Variants in SH3RF1 observed in about 807,000 individuals in gnomAD.
SH3RF1 encodes the protein E3 ubiquitin-protein ligase SH3RF1.
Under a neutral mutation model 74.0 loss-of-function variants are expected in SH3RF1, and 32 were observed. That is an observed-to-expected ratio of 0.43 (90% CI 0.33 to 0.58). The LOEUF is 0.58. Ranked by LOEUF, SH3RF1 falls within the 20% of genes least tolerant of loss-of-function variation. The pLI is 0.05. For missense variants in SH3RF1, 954 were observed against 1,130.9 expected (o/e 0.84, Z 2.24); for synonymous variants, 396 against 439.6 (o/e 0.90, Z 1.24).
At chr4:169,196,360 A>G (rs1377566299) in intron 2 of SH3RF1, among the ~76,000 whole-genome samples, 2 of 152,214 alleles carry the variant, frequency 1.3e-5, no homozygotes, top group African/African-American at 2.4e-5. Context: ...GAACAAAACA[A>G]TGTTATTCAA....
intron 11 of SH3RF1, among the ~76,000 whole-genome samples, chr4:169,101,293 AT>A: frequency 6.6e-6 from 1 of 152,338 alleles, no homozygotes; most frequent in African/African-American, 2.4e-5. Context: ...AAGGAATGAA[AT>A]TCTGACACGT....
intron 2 of SH3RF1, among the ~76,000 whole-genome samples, chr4:169,205,840 T>C (rs1303736889): frequency 6.6e-6 from 1 of 152,210 alleles, no homozygotes; most frequent in Non-Finnish European, 1.5e-5. Flanking sequence ...ACCCATATCC[T>C]GACTTGAGAA....
chr4:169,148,853 G>T (rs1733933157), intron 4 of SH3RF1, among the ~76,000 whole-genome samples: 1 of 152,172 alleles, frequency 6.6e-6, no homozygotes, highest in African/African-American at 2.4e-5. Flanking sequence ...AAATATCCCT[G>T]ATGAGCTGTA....
rs570355143 is a variant in SH3RF1 at position 169,157,946 on chromosome 4, C to T, written c.394-1267G>A. Among the ~76,000 whole-genome samples the T allele has an allele frequency of 7.9e-5, 12 of 152,016 alleles. No individual in the cohort carries two copies. In the East Asian group the frequency reaches 1.7e-3, roughly 22 times the overall value. On this transcript the variant is annotated intron_variant, in intron 2 of 11. Coordinates refer to ENST00000284637, the MANE Select transcript of SH3RF1 (RefSeq NM_020870.4). Reference sequence around the variant, plus strand: ...ACAAAATGGGGTCTCGCCATGTTGGCCAGGCTGGTCTCAAACTCCTGACCT... The same window carrying T: ...ACAAAATGGGGTCTCGCCATGTTGGTCAGGCTGGTCTCAAACTCCTGACCT...
rs556790911 is a variant in SH3RF1, at chr4:169,269,252, C to G, written c.-40G>C. The G allele has an allele frequency of 6.6e-7, 1 of 1,521,260 alleles. No homozygotes were observed. Among genetic ancestry groups the G allele is most frequent in the South Asian group, 1.3e-5 (1 of 77,212 alleles). The allele number at this position is 1,521,260 out of a possible 1,614,324, so 94.2% of individuals were successfully genotyped here. On this transcript the variant is annotated 5_prime_UTR_variant, in exon 2 of 12. It removes an upstream start codon present in the reference 5' UTR. Transcript: ENST00000284637. ...CTGAGAAAAAATCTTCAGAAATGTT[C>G]ATAGTTGTGTGCATCCCTTAAAATG...
chr4:169,262,124 T>C (rs1314396288), intron 2 of SH3RF1, among the ~76,000 whole-genome samples: 2 of 152,174 alleles, frequency 1.3e-5, no homozygotes, highest in African/African-American at 2.4e-5. Context: ...AGTAGGTCTA[T>C]GTGCTTAAAC....
intron 2 of SH3RF1, among the ~76,000 whole-genome samples, chr4:169,249,814 TAAAG>T (rs1444178161): frequency 1.1e-4 from 17 of 152,280 alleles, no homozygotes; most frequent in Admixed American, 2.6e-4. Context: ...GAGTGACTTA[TAAAG>T]AGAGATTTCA....
intron 2 of SH3RF1, among the ~76,000 whole-genome samples, chr4:169,239,025 C>T (rs1426353883): frequency 4.0e-5 from 6 of 150,766 alleles, no homozygotes; most frequent in African/African-American, 9.8e-5. Context: ...TCTATTCACT[C>T]TCAAAAATGA....
chr4:169,177,111 C>G (rs560592389), intron 2 of SH3RF1, among the ~76,000 whole-genome samples: 24 of 152,254 alleles, frequency 1.6e-4, no homozygotes, highest in African/African-American at 5.8e-4. Context: ...CTGTTGGTTA[C>G]TTATATTTGA....
At chr4:169,099,990 T>C (rs1001284745) in intron 11 of SH3RF1, among the ~76,000 whole-genome samples, 11 of 152,204 alleles carry the variant, frequency 7.2e-5, no homozygotes, top group Admixed American at 3.3e-4. Context: ...GTGAGGTGGT[T>C]TGCAGTTTTC....
intron 2 of SH3RF1, among the ~76,000 whole-genome samples, chr4:169,160,325 C>A (rs999722232): frequency 6.6e-6 from 1 of 152,192 alleles, no homozygotes; most frequent in Non-Finnish European, 1.5e-5. Flanking sequence ...CACTTCCACA[C>A]ACCAGTGGCC....
At chr4:169,184,090 C>T (rs976986708) in intron 2 of SH3RF1, among the ~76,000 whole-genome samples, 1 of 152,150 alleles carries the variant, frequency 6.6e-6, no homozygotes, top group African/African-American at 2.4e-5. Flanking sequence ...AATGCAAATT[C>T]ACTCACATGA....
At chr4:169,124,858 T>G (rs1733498983) in intron 6 of SH3RF1, among the ~76,000 whole-genome samples, 1 of 152,116 alleles carries the variant, frequency 6.6e-6, no homozygotes, top group African/African-American at 2.4e-5. Context: ...TTTGCTGTCC[T>G]GCAAGACCTG....
Position 169,133,593 on chromosome 4 carries a change from C to G in SH3RF1, c.1068+2725G>C, listed in dbSNP as rs1489897258. Among the ~76,000 whole-genome samples the G allele has an allele frequency of 4.0e-5, 6 of 151,364 alleles. No individual in the cohort carries two copies. The East Asian group carries it at 9.8e-4, about 25-fold the overall frequency. On this transcript the variant is annotated intron_variant, in intron 5 of 11. Coordinates refer to ENST00000284637, the MANE Select transcript of SH3RF1 (RefSeq NM_020870.4). The stretch of plus-strand genomic sequence containing the variant: ...AGGAGTTCGAGACCAGCCTGGCCAA[C>G]ATGGTGAAACCCCATCTCTACTAAA...
chr4:169,106,288 T>G (rs139566971), intron 11 of SH3RF1, among the ~76,000 whole-genome samples: 96 of 151,878 alleles, frequency 6.3e-4, no homozygotes, highest in African/African-American at 2.3e-3. Flanking sequence ...CTTTGTATTT[T>G]AGTAGAGACA....
intron 5 of SH3RF1, among the ~76,000 whole-genome samples, chr4:169,130,894 C>A (rs1733607877): frequency 6.6e-6 from 1 of 152,206 alleles, no homozygotes; most frequent in Non-Finnish European, 1.5e-5. Flanking sequence ...AGTGGTGTTA[C>A]TAGAAGCTAC....
intron 2 of SH3RF1, among the ~76,000 whole-genome samples, chr4:169,200,087 C>T (rs181342293): frequency 6.6e-5 from 10 of 152,056 alleles, no homozygotes; most frequent in East Asian, 1.9e-4. Context: ...ACCTACACAA[C>T]GGTAAATTTA....
At chr4:169,187,174 T>C (rs1344695252) in intron 2 of SH3RF1, among the ~76,000 whole-genome samples, 1 of 152,224 alleles carries the variant, frequency 6.6e-6, no homozygotes, top group Non-Finnish European at 1.5e-5. Context: ...AGCTTGCTTA[T>C]ATAGTGTACA....
intron 2 of SH3RF1, among the ~76,000 whole-genome samples, chr4:169,234,251 G>C (rs1250056826): frequency 6.6e-6 from 1 of 152,034 alleles, no homozygotes; most frequent in African/African-American, 2.4e-5. Flanking sequence ...TGTACCACTG[G>C]CATCTAGTGG....
Sources: allele counts gnomAD v4.1 joint callset (sites outside exome capture counted in the v4.1 genomes callset), GRCh38; gene constraint gnomAD v4.1.1; transcripts MANE v1.5; gene names NCBI Gene and HGNC (gene_info 2026-07-23, HGNC 2026-07-21).